The following RIMS1 variants were observed in gnomAD, a reference collection of about 807,000 sequenced individuals.
RIMS1 encodes regulating synaptic membrane exocytosis 1.
Under a neutral mutation model 214.1 loss-of-function variants are expected in RIMS1, and 83 were observed. That is an observed-to-expected ratio of 0.39 (90% CI 0.32 to 0.47). The LOEUF (loss-of-function observed/expected upper bound fraction) is 0.47, where lower values mean the gene tolerates loss of function less well. RIMS1 is among the 20% of genes least tolerant of loss of function. The pLI, the probability that RIMS1 is intolerant of heterozygous loss-of-function variation, is 0.99. For synonymous variants in RIMS1, 793 were observed against 786.8 expected (o/e 1.01, Z -0.13); for missense variants, 2,050 against 2,161.8 (o/e 0.95, Z 1.03).
intron 2 of RIMS1, among the ~76,000 whole-genome samples, chr6:72,060,648 A>C (rs1387783582): frequency 6.6e-6 from 1 of 152,156 alleles, no homozygotes; most frequent in Non-Finnish European, 1.5e-5. Flanking sequence ...GTTGGGTACA[A>C]ATACCAAAGC....
At chr6:72,090,250 A>C (rs1835862630) in intron 2 of RIMS1, among the ~76,000 whole-genome samples, 1 of 152,014 alleles carries the variant, frequency 6.6e-6, no homozygotes, top group Non-Finnish European at 1.5e-5. Context: ...CAAGTGATTC[A>C]CCCACCTTGG....
chr6:72,345,554 C>A (rs2154362379), intron 29 of RIMS1, among the ~76,000 whole-genome samples: 1 of 151,934 alleles, frequency 6.6e-6, no homozygotes, highest in Admixed American at 6.6e-5. Context: ...TTCTCAACCA[C>A]TTTACTATAA....
chr6:72,130,898 C>G (rs540332278), intron 4 of RIMS1, among the ~76,000 whole-genome samples: 5 of 152,130 alleles, frequency 3.3e-5, no homozygotes, highest in South Asian at 2.1e-4. Context: ...AAATATTTAT[C>G]AAAAAGCCTT....
chr6:72,379,962 A>C (rs1234987600), intron 29 of RIMS1, among the ~76,000 whole-genome samples: 1 of 152,204 alleles, frequency 6.6e-6, no homozygotes, highest in African/African-American at 2.4e-5. Context: ...GTTTTTAAAA[A>C]TATATATTCA....
At chr6:72,255,709 C>G (rs2075526139) in intron 16 of RIMS1, among the ~76,000 whole-genome samples, 1 of 152,008 alleles carries the variant, frequency 6.6e-6, no homozygotes, top group Non-Finnish European at 1.5e-5. Context: ...AATCTCTAAC[C>G]CTGAGTCAAC....
intron 1 of RIMS1, among the ~76,000 whole-genome samples, chr6:71,891,051 T>G (rs1379301178): frequency 6.6e-6 from 1 of 152,218 alleles, no homozygotes; most frequent in East Asian, 1.9e-4. Context: ...ATTTATAGTC[T>G]TTTCTCAGTT....
chr6:72,162,490 C>G (rs1286822182), intron 4 of RIMS1, among the ~76,000 whole-genome samples: 1 of 140,816 alleles, frequency 7.1e-6, no homozygotes, highest in African/African-American at 2.5e-5. Flanking sequence ...CCTTGATGGT[C>G]TTTACAATTT....
At chr6:72,190,968 A>G (rs2049978169) in intron 6 of RIMS1, among the ~76,000 whole-genome samples, 1 of 152,180 alleles carries the variant, frequency 6.6e-6, no homozygotes, top group Non-Finnish European at 1.5e-5. Flanking sequence ...CCTTGTTCCA[A>G]AATCCTAGAA....
chr6:72,148,887 A>G (rs2043119461), intron 4 of RIMS1, among the ~76,000 whole-genome samples: 2 of 152,052 alleles, frequency 1.3e-5, no homozygotes, highest in South Asian at 4.2e-4. Context: ...TCCCTATCAT[A>G]AGCAGAGTGC....
intron 29 of RIMS1, among the ~76,000 whole-genome samples, chr6:72,348,845 A>G (rs182396704): frequency 1.4e-4 from 22 of 152,122 alleles, no homozygotes; most frequent in African/African-American, 5.1e-4. Context: ...AAAGATAAAA[A>G]TGTACATTTA....
intron 4 of RIMS1, among the ~76,000 whole-genome samples, chr6:72,167,897 G>A (rs1830339): frequency 0.64 from 72,632 of 112,960 alleles, 18,612 homozygotes; most frequent in East Asian, 0.85. Context: ...TTTTTTTCTA[G>A]GTTTTATTTT....
chr6:71,951,387 A>G (rs1427607557), intron 1 of RIMS1, among the ~76,000 whole-genome samples: 1 of 152,076 alleles, frequency 6.6e-6, no homozygotes, highest in East Asian at 1.9e-4. Context: ...TCACTCAACT[A>G]CATTCTTACA....
intron 28 of RIMS1, among the ~76,000 whole-genome samples, chr6:72,326,065 T>C (rs2096451715): frequency 1.3e-5 from 2 of 151,860 alleles, no homozygotes; most frequent in Admixed American, 1.3e-4. Context: ...TATTTAACTT[T>C]TAAAATTTTT....
intron 1 of RIMS1, among the ~76,000 whole-genome samples, chr6:71,906,570 A>G (rs2150530227): frequency 6.6e-6 from 1 of 152,304 alleles, no homozygotes; most frequent in South Asian, 2.1e-4. Context: ...AAATGCAGGT[A>G]ATAACTGAGA....
intron 10 of RIMS1, 46 bp from the exon 11 acceptor site, chr6:72,245,769 G>A: frequency 6.8e-7 from 1 of 1,469,142 alleles, no homozygotes; most frequent in Non-Finnish European, 9.5e-7. Flanking sequence ...GCCTCAGGCA[G>A]GGTCATTTAA....
intron 24 of RIMS1, among the ~76,000 whole-genome samples, chr6:72,285,834 A>C (rs1171749340): frequency 2.0e-5 from 3 of 152,204 alleles, no homozygotes; most frequent in African/African-American, 7.2e-5. Flanking sequence ...TTATTTTGAC[A>C]TGATTAAACC....
At chr6:72,044,997 A>G (rs190993571) in intron 2 of RIMS1, among the ~76,000 whole-genome samples, 3 of 152,086 alleles carry the variant, frequency 2.0e-5, no homozygotes, top group African/African-American at 7.2e-5. Flanking sequence ...TGGTATATCT[A>G]TACTACTACT....
At chr6:72,284,817 G>C (rs1448951946) in intron 24 of RIMS1, among the ~76,000 whole-genome samples, 1 of 152,094 alleles carries the variant, frequency 6.6e-6, no homozygotes, top group African/African-American at 2.4e-5. Context: ...GTATATTCAA[G>C]TATCATAGCT....
intron 2 of RIMS1, among the ~76,000 whole-genome samples, chr6:71,972,486 T>C (rs1478555152): frequency 2.0e-5 from 3 of 152,208 alleles, no homozygotes; most frequent in Non-Finnish European, 2.9e-5. Context: ...TATGCAAGTC[T>C]AGACTGATGG....
Sources: gnomAD v4.1 joint callset for allele counts (sites outside exome capture counted in the v4.1 genomes callset) on GRCh38, gnomAD v4.1.1 for gene constraint, MANE v1.5 for transcripts, NCBI Gene and HGNC (gene_info 2026-07-23, HGNC 2026-07-21) for gene names.